CAMK2A: variants seen among roughly 807,000 people sequenced by gnomAD.
CAMK2A encodes the protein calcium/calmodulin dependent protein kinase II alpha, also known as calcium/calmodulin-dependent protein kinase type II subunit alpha.
A neutral mutation model predicts 79.2 loss-of-function variants in CAMK2A; 7 were observed. The ratio of observed to expected loss-of-function variants is 0.09; its 90% CI spans 0.05 to 0.17. The LOEUF is 0.17. CAMK2A is among the 10% of genes least tolerant of loss of function. The pLI, the probability that CAMK2A is intolerant of heterozygous loss-of-function variation, is 1.00. For synonymous variants in CAMK2A, 242 were observed against 251.7 expected (o/e 0.96, Z 0.36); for missense variants, 214 against 646.4 (o/e 0.33, Z 7.25).
At chr5:150,275,519 A>G (rs1442217966) in intron 1 of CAMK2A, among the ~76,000 whole-genome samples, 1 of 152,172 alleles carries the variant, frequency 6.6e-6, no homozygotes, top group Non-Finnish European at 1.5e-5. Flanking sequence ...TGCTTCAGAT[A>G]CCAATCACAA....
chr5:150,250,160 G>A, intron 11 of CAMK2A, 66 bp downstream of exon 11: 1 of 1,154,198 alleles, frequency 8.7e-7, no homozygotes, highest in Non-Finnish European at 1.3e-6. Context: ...GAGTCTCCTG[G>A]CCTCTGTGGA....
chr5:150,239,860 T>C (rs1755262102), intron 13 of CAMK2A, 124 bp from the exon 14 acceptor site: 4 of 829,082 alleles, frequency 4.8e-6, no homozygotes. Context: ...TGTAGTCCTT[T>C]GTCGGCTTGG....
At chr5:150,243,080 G>A (rs1755420587) in intron 13 of CAMK2A, among the ~76,000 whole-genome samples, 1 of 152,244 alleles carries the variant, frequency 6.6e-6, no homozygotes, top group African/African-American at 2.4e-5. Context: ...GCTGTGAGCT[G>A]TCCTTGCCAT....
rs6896346 is a variant in CAMK2A, at chr5:150,274,803, C to T, written c.63-1644G>A. Among the ~76,000 whole-genome samples the T allele has an allele frequency of 8.3e-3, 1,258 of 152,374 alleles. 14 individuals carry two copies. Among genetic ancestry groups the T allele is most frequent in the African/African-American group, 0.027 (1,106 of 41,582 alleles). ...AGCATTCTTGGGTATGTGACTTCCA[C>T]ACCAAGTAAGTCTTCCACTTCCTGG... On this transcript the variant is annotated intron_variant, in intron 1 of 18. Coordinates refer to ENST00000671881, the MANE Select transcript of CAMK2A (RefSeq NM_015981.4).
intron 3 of CAMK2A, among the ~76,000 whole-genome samples, chr5:150,258,799 G>C (rs890046946): frequency 3.9e-5 from 6 of 152,184 alleles, no homozygotes; most frequent in Non-Finnish European, 5.9e-5. Context: ...AATTTGGAGA[G>C]AGGCAGGCAT....
In CAMK2A at chr5:150,221,685, TCCC is replaced by T; in HGVS notation, c.*1022_*1024del. 2.7e-6 allele frequency: 1 copy of T among 372,706 alleles called. No individual in the cohort carries two copies. Among genetic ancestry groups the T allele is most frequent in the Non-Finnish European group, 4.6e-6 (1 of 215,864 alleles). The allele number at this position is 372,706 out of a possible 1,614,324, so 23.1% of individuals were successfully genotyped here. A position where few individuals can be genotyped will look rare whatever the true frequency, so the allele number is the denominator to read the frequency against. ...GACCGAAATGGCAGAGAGGCCCTTCTCCCCGGAGCTGAGTCCACCTTGGCCCCA... is the reference window on the plus strand; with the variant it reads ...GACCGAAATGGCAGAGAGGCCCTTCTCGGAGCTGAGTCCACCTTGGCCCCA... On this transcript the variant is annotated 3_prime_UTR_variant, in exon 19 of 19. Coordinates refer to ENST00000671881, the MANE Select transcript of CAMK2A (RefSeq NM_015981.4).
intron 16 of CAMK2A, among the ~76,000 whole-genome samples, chr5:150,229,638 A>C (rs879773793): frequency 1.3e-5 from 2 of 151,812 alleles, no homozygotes; most frequent in African/African-American, 2.4e-5. Flanking sequence ...GTTCCCCAGG[A>C]CCCCCAGAAG....
At chr5:150,273,917 A>T (rs1756852082) in intron 1 of CAMK2A, among the ~76,000 whole-genome samples, 2 of 152,190 alleles carry the variant, frequency 1.3e-5, no homozygotes, top group Admixed American at 1.3e-4. Context: ...CTATGTATGC[A>T]TGTGTCTGTG....
Position 150,221,247 on chromosome 5 carries a change from T to C in CAMK2A, c.*1463A>G, listed in dbSNP as rs1754292186. On this transcript the variant is annotated 3_prime_UTR_variant, in exon 19 of 19. Coordinates refer to ENST00000671881, the MANE Select transcript of CAMK2A (RefSeq NM_015981.4). ...AAACAGTGCAGACAGTAGATCCTAG[T>C]GGATGTGCCAAGGTATTCCACTCAG... The C allele has an allele frequency of 5.0e-6, 2 of 396,538 alleles. No individual in the cohort carries two copies. Among genetic ancestry groups the C allele is most frequent in the Non-Finnish European group, 8.9e-6 (2 of 225,044 alleles). The allele number at this position is 396,538 out of a possible 1,614,324, so 24.6% of individuals were successfully genotyped here.
At chr5:150,273,864 C>T (rs928043846) in intron 1 of CAMK2A, among the ~76,000 whole-genome samples, 1 of 152,226 alleles carries the variant, frequency 6.6e-6, no homozygotes, top group African/African-American at 2.4e-5. Context: ...ACAAACAATG[C>T]TACAATGACT....
chr5:150,244,542 G>T lies in CAMK2A; in HGVS notation c.984+619C>A, dbSNP rs191741736. Reference sequence around the variant, plus strand: ...GCAGAGGGAGAAGAGAGAAGAGACGGGAAGGAGGACCGCAGGATGTGGAGG... The same window carrying T: ...GCAGAGGGAGAAGAGAGAAGAGACGTGAAGGAGGACCGCAGGATGTGGAGG... On this transcript the variant is annotated intron_variant, in intron 13 of 18. Coordinates refer to ENST00000671881, the MANE Select transcript of CAMK2A (RefSeq NM_015981.4). Among the ~76,000 whole-genome samples the T allele has an allele frequency of 2.0e-5, 3 of 152,368 alleles. No individual in the cohort carries two copies. In the East Asian group the frequency reaches 5.8e-4, roughly 29 times the overall value.
intron 13 of CAMK2A, among the ~76,000 whole-genome samples, chr5:150,244,006 T>A (rs530643026): frequency 6.6e-6 from 1 of 152,336 alleles, no homozygotes; most frequent in South Asian, 2.1e-4. Flanking sequence ...TCTAAAGAGT[T>A]CAATTTGAAA....
chr5:150,234,747 G>C (rs780148182), intron 15 of CAMK2A, among the ~76,000 whole-genome samples: 1 of 152,186 alleles, frequency 6.6e-6, no homozygotes, highest in African/African-American at 2.4e-5. Context: ...CTGATATGAG[G>C]GGGTGTAGCT....
Position 150,222,676 on chromosome 5 carries a change from C to T in CAMK2A, c.*34G>A, listed in dbSNP as rs751816059. On this transcript the variant is annotated 3_prime_UTR_variant, in exon 19 of 19. Transcript: ENST00000671881. ...ACTCCACGGACAGAGTGGATCTCTG[C>T]GGCACAGCAACGCAGCGACCCCAGC... 112 of 1,612,350 alleles carry T rather than the reference C, an allele frequency of 6.9e-5. 2 individuals are homozygous for T. The Admixed American group carries it at 1.1e-3, about 16-fold the overall frequency.
chr5:150,277,941 C>T (rs1460244332), intron 1 of CAMK2A, among the ~76,000 whole-genome samples: 2 of 152,174 alleles, frequency 1.3e-5, no homozygotes, highest in Non-Finnish European at 2.9e-5. Flanking sequence ...TGAAGAGAAT[C>T]CAGGTCACTT....
chr5:150,228,618 G>A (rs1216929225), intron 16 of CAMK2A, among the ~76,000 whole-genome samples: 2 of 152,148 alleles, frequency 1.3e-5, no homozygotes, highest in Non-Finnish European at 2.9e-5. Context: ...AGGAAATTCA[G>A]CTTGCTCTCT....
At chr5:150,257,708 C>T in intron 3 of CAMK2A, 91 bp from the exon 4 acceptor site, 4 of 1,001,132 alleles carry the variant, frequency 4.0e-6, no homozygotes, top group East Asian at 2.6e-5. Flanking sequence ...TATCCAACAC[C>T]CCCCGCTCCC....
At chr5:150,288,532 A>G (rs1051444786) in intron 1 of CAMK2A, among the ~76,000 whole-genome samples, 1 of 151,354 alleles carries the variant, frequency 6.6e-6, no homozygotes, top group Non-Finnish European at 1.5e-5. Flanking sequence ...CACACACATC[A>G]CTCCTCAAAA....
Position 150,223,305 on chromosome 5 carries a change from C to G in CAMK2A, c.1238-88G>C, listed in dbSNP as rs1754433866. 2.7e-6 allele frequency: 3 copies of G among 1,105,762 alleles called. No homozygotes were observed. The highest frequency in any genetic ancestry group is 2.6e-6 in the Non-Finnish European group (2 of 761,064). The allele number at this position is 1,105,762 out of a possible 1,614,324, so 68.5% of individuals were successfully genotyped here. A position where few individuals can be genotyped will look rare whatever the true frequency, so the allele number is the denominator to read the frequency against. ...CACTTTCTCCACTCCCAGCAGCCCT[C>G]TCAATGGAGGCGCCCTGCCTGACTC... On this transcript the variant is annotated intron_variant, in intron 17 of 18. Transcript: ENST00000671881. The surrounding 1 kb of genome is among the most constrained non-coding windows in gnomAD (Gnocchi z 4.1).
Sources: allele counts gnomAD v4.1 joint callset (sites outside exome capture counted in the v4.1 genomes callset), GRCh38; gene constraint gnomAD v4.1.1; non-coding constraint Gnocchi (gnomAD v3.1); transcripts MANE v1.5; gene names NCBI Gene and HGNC (gene_info 2026-07-23, HGNC 2026-07-21).